Variants in MGAT5 observed in about 807,000 individuals in gnomAD.
The protein encoded by MGAT5 is alpha-1,6-mannosylglycoprotein 6-beta-N-acetylglucosaminyltransferase.
A neutral mutation model predicts 94.3 loss-of-function variants in MGAT5; 30 were observed. That is an observed-to-expected ratio of 0.32 (90% CI 0.24 to 0.43). The LOEUF (loss-of-function observed/expected upper bound fraction) is 0.43, where lower values mean the gene tolerates loss of function less well. Ranked by LOEUF, MGAT5 falls within the 20% of genes least tolerant of loss-of-function variation. The pLI, the probability that MGAT5 is intolerant of heterozygous loss-of-function variation, is 1.00. For missense variants in MGAT5, 691 were observed against 905.5 expected, an observed-to-expected ratio of 0.76 and a Z score of 3.04; for synonymous variants, 310 against 322.9, an observed-to-expected ratio of 0.96 and a Z score of 0.43.
chr2:134,229,589 C>T (rs561600626), intron 1 of MGAT5, among the ~76,000 whole-genome samples: 2 of 152,210 alleles, frequency 1.3e-5, no homozygotes, highest in African/African-American at 4.8e-5. Flanking sequence ...AAAAATGCCA[C>T]AGAAAATGGA....
chr2:134,317,475 G>C, intron 2 of MGAT5, 54 bp from the exon 3 acceptor site: 1 of 1,320,524 alleles, frequency 7.6e-7, no homozygotes, highest in African/African-American at 1.5e-5. Context: ...AAGAATGTTA[G>C]GCTTGTGTTT....
intron 1 of MGAT5, among the ~76,000 whole-genome samples, chr2:134,182,783 T>G (rs1307559865): frequency 1.5e-5 from 2 of 130,696 alleles, no homozygotes; most frequent in Non-Finnish European, 3.1e-5. Context: ...AAGATTAGTT[T>G]TTTTTTTTTT....
intron 4 of MGAT5, among the ~76,000 whole-genome samples, chr2:134,335,355 G>A (rs1052958527): frequency 3.0e-4 from 45 of 152,060 alleles, no homozygotes; most frequent in Admixed American, 1.3e-3. Flanking sequence ...ATTAGTAAAC[G>A]GGTGATAATG....
chr2:134,223,123 T>A lies in MGAT5; in HGVS notation c.-142-31139T>A, dbSNP rs780127917. Among the ~76,000 whole-genome samples the A allele has an allele frequency of 1.6e-4, 25 of 152,254 alleles. No homozygotes were observed. In the South Asian group the frequency reaches 2.1e-3, roughly 13 times the overall value. On this transcript the variant is annotated intron_variant, in intron 1 of 16. Coordinates refer to the MGAT5 transcript ENST00000409645. Reference sequence around the variant, plus strand: ...CTTAATTTTATAGTAAGCAGAAAATTTTTATGGCTGGGGTGGATGCAAAAG... The same window carrying A: ...CTTAATTTTATAGTAAGCAGAAAATATTTATGGCTGGGGTGGATGCAAAAG...
chr2:134,237,291 C>A (rs1335488890), intron 1 of MGAT5, among the ~76,000 whole-genome samples: 1 of 152,196 alleles, frequency 6.6e-6, no homozygotes, highest in African/African-American at 2.4e-5. Flanking sequence ...TCCCACTCAG[C>A]CATTCTGGAT....
chr2:134,160,920 A>C (rs775612355), intron 1 of MGAT5, among the ~76,000 whole-genome samples: 1 of 152,218 alleles, frequency 6.6e-6, no homozygotes, highest in Non-Finnish European at 1.5e-5. Flanking sequence ...CATTAGTGTT[A>C]TCTGACACTT....
chr2:134,266,346 G>A (rs1379712237), intron 1 of MGAT5, among the ~76,000 whole-genome samples: 5 of 151,814 alleles, frequency 3.3e-5, no homozygotes, highest in East Asian at 2.0e-4. Flanking sequence ...TCAGCTTTCC[G>A]AGTAGTTGGG....
At chr2:134,147,314 A>G (rs1200040773) in intron 1 of MGAT5, among the ~76,000 whole-genome samples, 2 of 152,254 alleles carry the variant, frequency 1.3e-5, no homozygotes, top group East Asian at 3.8e-4. Context: ...AAGAAAAAAC[A>G]TGTTCACGGT....
intron 1 of MGAT5, among the ~76,000 whole-genome samples, chr2:134,191,956 C>T (rs1476044895): frequency 5.3e-5 from 8 of 150,024 alleles, no homozygotes; most frequent in South Asian, 2.1e-4. Flanking sequence ...CCCTCCTTCT[C>T]CTCCTGCTCG....
intron 1 of MGAT5, among the ~76,000 whole-genome samples, chr2:134,220,939 T>A (rs1317189552): frequency 6.6e-6 from 1 of 152,200 alleles, no homozygotes; most frequent in East Asian, 1.9e-4. Flanking sequence ...AGCAAGCCCT[T>A]TCCAAGCTAA....
chr2:134,196,110 CTCT>C (rs1018785408), intron 1 of MGAT5, among the ~76,000 whole-genome samples: 13 of 152,206 alleles, frequency 8.5e-5, no homozygotes, highest in African/African-American at 3.1e-4. Flanking sequence ...GGACATGGTG[CTCT>C]TCGGAAGTTG....
intron 1 of MGAT5, among the ~76,000 whole-genome samples, chr2:134,176,820 A>G (rs920875646): frequency 2.0e-5 from 3 of 152,150 alleles, no homozygotes; most frequent in Non-Finnish European, 2.9e-5. Context: ...TTGGAGTGGC[A>G]CTGACCTTTG....
chr2:134,380,978 G>A (rs554059496), intron 10 of MGAT5, among the ~76,000 whole-genome samples: 21 of 152,208 alleles, frequency 1.4e-4, no homozygotes, highest in African/African-American at 4.1e-4. Context: ...AAAAATAAAC[G>A]TAGAGAAACA....
At chr2:134,377,062 C>A (rs1455128692) in intron 10 of MGAT5, among the ~76,000 whole-genome samples, 1 of 152,228 alleles carries the variant, frequency 6.6e-6, no homozygotes, top group Non-Finnish European at 1.5e-5. Context: ...TTTGAAAATT[C>A]TTTGCAAACT....
intron 8 of MGAT5, among the ~76,000 whole-genome samples, chr2:134,348,098 A>G (rs1482566212): frequency 2.0e-5 from 3 of 152,174 alleles, no homozygotes; most frequent in African/African-American, 7.2e-5. Context: ...ACTTCCTTGT[A>G]CATCTTTTTT....
intron 1 of MGAT5, among the ~76,000 whole-genome samples, chr2:134,189,440 T>C (rs1402891146): frequency 3.3e-5 from 5 of 152,108 alleles, no homozygotes; most frequent in Non-Finnish European, 4.4e-5. Context: ...GGAAATTATA[T>C]GTGAGATAGC....
At chr2:134,171,603 G>T (rs1688212228) in intron 1 of MGAT5, among the ~76,000 whole-genome samples, 1 of 152,072 alleles carries the variant, frequency 6.6e-6, no homozygotes, top group South Asian at 2.1e-4. Context: ...TCTTTTTTTG[G>T]GAGACGATCT....
intron 1 of MGAT5, among the ~76,000 whole-genome samples, chr2:134,225,077 C>CAAA (rs1167660901): frequency 3.7e-3 from 251 of 67,928 alleles, no homozygotes; most frequent in Middle Eastern, 9.4e-3. Context: ...CCCTGTCTCA[C>CAAA]AAAAAAAAAA....
intron 1 of MGAT5, among the ~76,000 whole-genome samples, chr2:134,229,552 A>C (rs1197063284): frequency 6.6e-6 from 1 of 152,240 alleles, no homozygotes; most frequent in Admixed American, 6.5e-5. Flanking sequence ...ACTGATAAGG[A>C]GCTTACAGGA....
Sources: gnomAD v4.1 joint callset for allele counts (sites outside exome capture counted in the v4.1 genomes callset) on GRCh38, gnomAD v4.1.1 for gene constraint, MANE v1.5 for transcripts, NCBI Gene and HGNC (gene_info 2026-07-23, HGNC 2026-07-21) for gene names.